ERC2: variants seen among roughly 807,000 people sequenced by gnomAD.
ERC2 encodes the protein ERC protein 2.
In ERC2, 42 loss-of-function variants were observed where a neutral mutation model predicts 114.8. The observed-to-expected ratio is 0.37, with a 90% CI of 0.29 to 0.47. The LOEUF (loss-of-function observed/expected upper bound fraction) is 0.47. Among genes scored for constraint, ERC2 ranks in the 20% least tolerant of loss-of-function variants. ERC2 has a pLI of 0.99. For missense variants in ERC2, 939 were observed against 1,150.7 expected (o/e 0.82, Z 2.66); for synonymous variants, 454 against 425.5 (o/e 1.07, Z -0.82).
At chr3:55,557,859 C>T (rs1170958320) in intron 17 of ERC2, among the ~76,000 whole-genome samples, 1 of 152,252 alleles carries the variant, frequency 6.6e-6, no homozygotes, top group Non-Finnish European at 1.5e-5. Flanking sequence ...TAGATCACAA[C>T]TCAATTGCCA....
chr3:56,309,897 A>G (rs1271082624), intron 2 of ERC2, among the ~76,000 whole-genome samples: 1 of 152,252 alleles, frequency 6.6e-6, no homozygotes, highest in Non-Finnish European at 1.5e-5. Context: ...AGAAACGGGC[A>G]TAATGAACAT....
chr3:55,548,992 T>C (rs1415167826), intron 17 of ERC2, among the ~76,000 whole-genome samples: 2 of 152,168 alleles, frequency 1.3e-5, no homozygotes, highest in African/African-American at 2.4e-5. Flanking sequence ...GGCAACAAAA[T>C]CAGATGTGTA....
intron 3 of ERC2, among the ~76,000 whole-genome samples, chr3:56,228,985 C>T (rs559591898): frequency 1.3e-5 from 2 of 152,190 alleles, no homozygotes; most frequent in East Asian, 3.9e-4. Context: ...CATACCAGTC[C>T]TATTTTTCCC....
chr3:56,418,295 CAAAAAAAAAAA>C (rs57185789), intron 2 of ERC2, among the ~76,000 whole-genome samples: 2 of 75,226 alleles, frequency 2.7e-5, no homozygotes, highest in African/African-American at 8.4e-5. Context: ...GATCCTGTCT[CAAAAAAAAAAA>C]AAAAAAAAGG....
chr3:56,176,215 C>A (rs2082969492), intron 3 of ERC2, among the ~76,000 whole-genome samples: 2 of 152,160 alleles, frequency 1.3e-5, no homozygotes, highest in Admixed American at 6.5e-5. Context: ...GAATGCAATT[C>A]ATAATAATTT....
intron 9 of ERC2, among the ~76,000 whole-genome samples, chr3:56,008,827 T>C (rs112883499): frequency 0.018 from 2,711 of 152,322 alleles, 75 homozygotes; most frequent in African/African-American, 0.061. Context: ...ATTCCACCTA[T>C]TGATTGCAAC....
intron 2 of ERC2, among the ~76,000 whole-genome samples, chr3:56,387,572 T>C (rs1175744308): frequency 6.6e-6 from 1 of 152,194 alleles, no homozygotes; most frequent in Non-Finnish European, 1.5e-5. Flanking sequence ...ACAATATTCG[T>C]TCACCATGAC....
chr3:55,877,610 C>CAAGAG (rs2062920718), intron 14 of ERC2, among the ~76,000 whole-genome samples: 1 of 151,210 alleles, frequency 6.6e-6, no homozygotes, highest in South Asian at 2.1e-4. Flanking sequence ...CTCCCAGGCT[C>CAAGAG]AAGAGATCCT....
intron 2 of ERC2, among the ~76,000 whole-genome samples, chr3:56,382,428 A>C (rs2059786882): frequency 6.6e-6 from 1 of 152,172 alleles, no homozygotes; most frequent in Admixed American, 6.6e-5. Context: ...AAAGGTGTCC[A>C]GGTTTATGGC....
At chr3:56,088,528 G>C (rs1560153044) in intron 6 of ERC2, among the ~76,000 whole-genome samples, 5 of 152,060 alleles carry the variant, frequency 3.3e-5, no homozygotes, top group African/African-American at 1.2e-4. Flanking sequence ...AGAACCTTGG[G>C]GGAGTAGACA....
intron 2 of ERC2, among the ~76,000 whole-genome samples, chr3:56,379,756 C>T (rs1268515598): frequency 6.6e-6 from 1 of 152,026 alleles, no homozygotes; most frequent in Non-Finnish European, 1.5e-5. Flanking sequence ...GAAATCTAGG[C>T]TTGAGATACA....
At chr3:55,543,367 G>A (rs537986745) in intron 17 of ERC2, among the ~76,000 whole-genome samples, 3 of 152,260 alleles carry the variant, frequency 2.0e-5, no homozygotes, top group South Asian at 2.1e-4. Context: ...TGTTTCGGCC[G>A]GACATCAAGA....
intron 14 of ERC2, among the ~76,000 whole-genome samples, chr3:55,779,004 A>G (rs2068813285): frequency 6.6e-6 from 1 of 152,182 alleles, no homozygotes; most frequent in Non-Finnish European, 1.5e-5. Flanking sequence ...ACAATACTCT[A>G]GCAAAACAAA....
At chr3:55,543,955 G>A (rs938873311) in intron 17 of ERC2, among the ~76,000 whole-genome samples, 16 of 152,108 alleles carry the variant, frequency 1.1e-4, no homozygotes, top group East Asian at 5.8e-4. Context: ...TATTTCATCC[G>A]TTCAGGGAGG....
At chr3:55,686,873 C>T (rs1189173718) in intron 16 of ERC2, among the ~76,000 whole-genome samples, 3 of 152,158 alleles carry the variant, frequency 2.0e-5, no homozygotes, top group African/African-American at 4.8e-5. Flanking sequence ...GGAAGAAAGA[C>T]TCTAGTCCAT....
At chr3:56,189,970 A>G (rs1411134763) in intron 3 of ERC2, among the ~76,000 whole-genome samples, 1 of 152,228 alleles carries the variant, frequency 6.6e-6, no homozygotes, top group African/African-American at 2.4e-5. Flanking sequence ...CCAAGGACTG[A>G]GACAGGTGGC....
At chr3:55,545,652 C>G (rs2054692082) in intron 17 of ERC2, among the ~76,000 whole-genome samples, 3 of 152,204 alleles carry the variant, frequency 2.0e-5, no homozygotes, top group Admixed American at 6.5e-5. Flanking sequence ...TCAGGAGTTT[C>G]TGTGTGTGTC....
chr3:56,430,119 C>T (rs1019401198), intron 2 of ERC2, among the ~76,000 whole-genome samples: 2 of 152,174 alleles, frequency 1.3e-5, no homozygotes, highest in Non-Finnish European at 2.9e-5. Context: ...CAGAACAGTT[C>T]AAATTGTTTT....
intron 17 of ERC2, among the ~76,000 whole-genome samples, chr3:55,515,554 CTTT>C: frequency 6.9e-6 from 1 of 144,890 alleles, no homozygotes; most frequent in East Asian, 2.0e-4. Flanking sequence ...CTCCTTCAGA[CTTT>C]TTTTTTTTTT....
Sources: gnomAD v4.1 joint callset for allele counts (sites outside exome capture counted in the v4.1 genomes callset) on GRCh38, gnomAD v4.1.1 for gene constraint, MANE v1.5 for transcripts, NCBI Gene and HGNC (gene_info 2026-07-23, HGNC 2026-07-21) for gene names.